The following ZNF385C variants were observed in gnomAD, a reference collection of about 807,000 sequenced individuals.
ZNF385C encodes the protein CTD-2132N18.2.
ZNF385C carries 28 observed loss-of-function variants against 35.4 expected under a neutral mutation model. That is an observed-to-expected ratio of 0.79 (90% confidence interval 0.59 to 1.08). The LOEUF (loss-of-function observed/expected upper bound fraction) is 1.08, where lower values mean the gene tolerates loss of function less well. ZNF385C is among the 50% of genes least tolerant of loss of function. The pLI is 0.00. For synonymous variants in ZNF385C, 248 were observed against 248.2 expected, an observed-to-expected ratio of 1.00 and a Z score of 0.01; for missense variants, 605 against 595.6, an observed-to-expected ratio of 1.02 and a Z score of -0.16.
At chr17:42,073,864 G>A (rs1196273219) in intron 1 of ZNF385C, among the ~76,000 whole-genome samples, 1 of 152,244 alleles carries the variant, frequency 6.6e-6, no homozygotes, top group Non-Finnish European at 1.5e-5. Flanking sequence ...GCCTACTGGG[G>A]ACCAGGCCAC....
intron 4 of ZNF385C, among the ~76,000 whole-genome samples, chr17:42,032,307 C>T (rs1484393746): frequency 3.9e-5 from 6 of 152,180 alleles, no homozygotes; most frequent in Admixed American, 3.9e-4. Context: ...GATCCACCCG[C>T]CTCAGCCTCC....
At chr17:42,042,503 CAG>C (rs1237348207) in intron 2 of ZNF385C, among the ~76,000 whole-genome samples, 3 of 150,906 alleles carry the variant, frequency 2.0e-5, no homozygotes, top group African/African-American at 7.3e-5. Context: ...GCCTGGGTGA[CAG>C]AGTGAGATTC....
intron 2 of ZNF385C, among the ~76,000 whole-genome samples, chr17:42,051,378 T>C (rs1326437663): frequency 1.3e-5 from 2 of 152,048 alleles, no homozygotes; most frequent in Non-Finnish European, 2.9e-5. Context: ...TGCGTTACTC[T>C]GAGAGGTGAA....
intron 7 of ZNF385C, 46 bp from the exon 8 acceptor site, chr17:42,027,774 G>C: frequency 6.3e-7 from 1 of 1,583,600 alleles, no homozygotes; most frequent in Non-Finnish European, 8.6e-7. Flanking sequence ...CAAAGCCCAA[G>C]GACCCCAAGA....
Position 42,050,669 on chromosome 17 carries a change from C to T in ZNF385C, c.250+12138G>A, listed in dbSNP as rs372366842. Reference sequence around the variant, plus strand: ...AACGGGGGCGAAGAGGCGCCAGCAGCCAGCGCCGGCCAGGGTCCCGGGCAG... The same window carrying T: ...AACGGGGGCGAAGAGGCGCCAGCAGTCAGCGCCGGCCAGGGTCCCGGGCAG... On this transcript the variant is annotated intron_variant, in intron 2 of 8. Coordinates refer to ENST00000692273, the MANE Select transcript of ZNF385C (RefSeq NM_001392013.1). This position sits in a 1 kb window ranked among gnomAD's most constrained non-coding sequence, Gnocchi z 5.6. The T allele has an allele frequency of 4.2e-4, 64 of 151,670 alleles. No homozygotes were observed. In the East Asian group the frequency reaches 0.012, roughly 28 times the overall value. The allele number at this position is 151,670 out of a possible 1,614,324, so 9.4% of individuals were successfully genotyped here.
At position 42,096,972 on chromosome 17, in the gene ZNF385C, A is replaced by G. The variant is rs1247614222; in HGVS notation, c.-3+1438T>C. 5.0e-4 allele frequency among the ~76,000 whole-genome samples: 66 copies of G among 131,392 alleles called. 1 individual carries two copies. The highest frequency in any genetic ancestry group is 9.5e-5 in the Non-Finnish European group (6 of 62,930). The allele number at this position is 131,392 out of a possible 152,430, so 86.2% of individuals were successfully genotyped here. On this transcript the variant is annotated intron_variant, in intron 1 of 8. Coordinates refer to ENST00000692273, the MANE Select transcript of ZNF385C (RefSeq NM_001392013.1). ...AAGGGCACTCTTTCTAGCCAAGCTT[A>G]GCTAAAAAAAAAAAAAAAAAAACCC...
At chr17:42,065,987 G>A (rs889534650) in intron 1 of ZNF385C, among the ~76,000 whole-genome samples, 3 of 152,058 alleles carry the variant, frequency 2.0e-5, no homozygotes, top group African/African-American at 7.3e-5. Context: ...GGGATTAGAT[G>A]AGCTGATCTA....
intron 2 of ZNF385C, among the ~76,000 whole-genome samples, chr17:42,059,587 ACT>A (rs1335269739): frequency 2.0e-5 from 3 of 151,096 alleles, no homozygotes; most frequent in Non-Finnish European, 4.4e-5. Context: ...TCTAGCTGGG[ACT>A]CTCTTCTGGA....
At chr17:42,034,435 G>A in intron 3 of ZNF385C, 100 bp from the exon 4 acceptor site, 1 of 783,286 alleles carries the variant, frequency 1.3e-6, no homozygotes, top group Non-Finnish European at 2.1e-6. Context: ...GACTGAAGAG[G>A]GCCTTGGTCA....
intron 2 of ZNF385C, among the ~76,000 whole-genome samples, chr17:42,048,815 A>C (rs2053224469): frequency 6.6e-6 from 1 of 151,902 alleles, no homozygotes. Flanking sequence ...TTGCTTCCTG[A>C]CTGCACACTG....
At chr17:42,084,529 G>A (rs1440978471) in intron 1 of ZNF385C, among the ~76,000 whole-genome samples, 1 of 151,916 alleles carries the variant, frequency 6.6e-6, no homozygotes, top group African/African-American at 2.4e-5. Flanking sequence ...TCTTCTTTCA[G>A]TTACATTTAT....
intron 2 of ZNF385C, among the ~76,000 whole-genome samples, chr17:42,049,749 G>C (rs1402740415): frequency 5.9e-5 from 9 of 152,220 alleles, no homozygotes; most frequent in African/African-American, 1.9e-4. Flanking sequence ...CAAAAGGCAG[G>C]TAGGTAGAGC....
At position 42,031,622 on chromosome 17, in the gene ZNF385C, T is replaced by G; in HGVS notation, c.673A>C (p.Lys225Gln). The change falls in exon 5 of 9, where the codon AAA (lysine) becomes CAA (glutamine). Residue 225 changes from lysine (K) to glutamine (Q), a missense_variant. Lys to Gln is a moderately conservative substitution (Grantham distance 53). Coordinates refer to ENST00000692273, the MANE Select transcript of ZNF385C (RefSeq NM_001392013.1). ...ASGAPGEPQS[K>Q]VPAAPPLGPP... ...AAGAGAAGAGCTCAGGACTGACCTTTACTCTGTGGCTCTCCAGGGGCTCCA... is the reference window on the plus strand; with the variant it reads ...AAGAGAAGAGCTCAGGACTGACCTTGACTCTGTGGCTCTCCAGGGGCTCCA... 3 of 1,550,508 alleles carry G rather than the reference T, an allele frequency of 1.9e-6. No individual in the cohort carries two copies. The highest frequency in any genetic ancestry group is 2.6e-6 in the Non-Finnish European group (3 of 1,146,884).
At chr17:42,087,033 G>C (rs2053817189) in intron 1 of ZNF385C, among the ~76,000 whole-genome samples, 1 of 151,940 alleles carries the variant, frequency 6.6e-6, no homozygotes, top group African/African-American at 2.4e-5. Context: ...ATATTGGTCA[G>C]GCTGGTCTTG....
In ZNF385C at chr17:42,041,468, T is replaced by C. The variant is rs543106551; in HGVS notation, c.251-3583A>G. 6.6e-4 allele frequency among the ~76,000 whole-genome samples: 100 copies of C among 152,344 alleles called. 1 individual carries two copies. Among genetic ancestry groups the C allele is most frequent in the Non-Finnish European group, 9.8e-4 (67 of 68,026 alleles). The stretch of plus-strand genomic sequence containing the variant: ...CCCGGTCTAGTTTTCTCAGCTCTTA[T>C]ACCTGCTGTCAGCTAATACCAGCCC... On this transcript the variant is annotated intron_variant, in intron 2 of 8. Transcript: ENST00000692273.
At chr17:42,082,478 C>G (rs1555659798) in intron 1 of ZNF385C, among the ~76,000 whole-genome samples, 1 of 152,268 alleles carries the variant, frequency 6.6e-6, no homozygotes, top group Non-Finnish European at 1.5e-5. Flanking sequence ...ACCCCCTCAC[C>G]TGAGTCTCTG....
intron 1 of ZNF385C, among the ~76,000 whole-genome samples, chr17:42,072,976 C>A (rs2053646515): frequency 3.9e-5 from 6 of 152,200 alleles, no homozygotes; most frequent in Admixed American, 3.9e-4. Flanking sequence ...CCGCCCCCGG[C>A]CGCTACCTCT....
chr17:42,035,581 C>G (rs1555655367), intron 3 of ZNF385C, among the ~76,000 whole-genome samples: 1 of 125,630 alleles, frequency 8.0e-6, no homozygotes, highest in African/African-American at 3.0e-5. Flanking sequence ...AGATGGAATA[C>G]TGCTCTGTCG....
intron 1 of ZNF385C, among the ~76,000 whole-genome samples, chr17:42,064,295 G>C (rs1475732607): frequency 6.6e-6 from 1 of 152,196 alleles, no homozygotes; most frequent in Non-Finnish European, 1.5e-5. Flanking sequence ...CTGCGTGCAT[G>C]CTTCCTGCCT....
Sources: allele counts gnomAD v4.1 joint callset (sites outside exome capture counted in the v4.1 genomes callset), GRCh38; gene constraint gnomAD v4.1.1; non-coding constraint Gnocchi (gnomAD v3.1); transcripts MANE v1.5; gene names NCBI Gene and HGNC (gene_info 2026-07-23, HGNC 2026-07-21).